The following TRIP12 variants were observed in gnomAD, a reference collection of about 807,000 sequenced individuals.
TRIP12 encodes thyroid hormone receptor interactor 12.
TRIP12 carries 25 observed loss-of-function variants against 244.2 expected under a neutral mutation model. That is an observed-to-expected ratio of 0.10 (90% CI 0.07 to 0.14). TRIP12 has a LOEUF of 0.14. Ranked by LOEUF, TRIP12 falls within the 10% of genes least tolerant of loss-of-function variation. The pLI, the probability that TRIP12 is intolerant of heterozygous loss-of-function variation, is 1.00. For synonymous variants in TRIP12, 905 were observed against 873.1 expected (o/e 1.04, Z -0.64); for missense variants, 1,677 against 2,486.4 (o/e 0.67, Z 6.92).
intron 2 of TRIP12, among the ~76,000 whole-genome samples, chr2:229,867,605 A>G (rs978024399): frequency 6.6e-6 from 1 of 152,218 alleles, no homozygotes; most frequent in Admixed American, 6.5e-5. Flanking sequence ...GTGATAAAAA[A>G]GCTTGCAGTT....
intron 2 of TRIP12, among the ~76,000 whole-genome samples, chr2:229,876,991 C>T (rs112381330): frequency 2.0e-5 from 3 of 151,982 alleles, no homozygotes; most frequent in Non-Finnish European, 2.9e-5. Context: ...CCACCATGCT[C>T]GGCCTTACTC....
At chr2:229,826,113 T>C (rs1299335494) in intron 8 of TRIP12, among the ~76,000 whole-genome samples, 3 of 152,036 alleles carry the variant, frequency 2.0e-5, no homozygotes, top group Admixed American at 6.5e-5. Flanking sequence ...GGCAATCAAA[T>C]AGAAGGTGAG....
upstream of TRIP12, chr2:229,922,462 A>G (rs1014139848): frequency 6.3e-7 from 1 of 1,596,532 alleles, no homozygotes; most frequent in Non-Finnish European, 8.6e-7. Flanking sequence ...CTTGACCCCA[A>G]CCAAGCCCCG....
In TRIP12 at chr2:229,766,513, G is replaced by C. The variant is rs1338182481; in HGVS notation, c.*1041C>G. On this transcript the variant is annotated 3_prime_UTR_variant, in exon 42 of 42. Coordinates refer to ENST00000675903, the MANE Select transcript of TRIP12 (RefSeq NM_001348323.3). ...TTTTATCTGCGTCGAGACAAAGGCT[G>C]AACTGTTTTGTCCCAAGTCAGCACT... 1.3e-5 allele frequency: 2 copies of C among 152,152 alleles called. No individual in the cohort carries two copies. Among genetic ancestry groups the C allele is most frequent in the East Asian group, 3.8e-4 (2 of 5,200 alleles). 9.4% of individuals were successfully genotyped at this position (152,152 alleles called of 1,614,324 possible). A position where few individuals can be genotyped will look rare whatever the true frequency, so the allele number is the denominator to read the frequency against.
chr2:229,775,431 C>A (rs547902821), intron 37 of TRIP12, among the ~76,000 whole-genome samples: 1 of 151,116 alleles, frequency 6.6e-6, no homozygotes, highest in Admixed American at 6.6e-5. Flanking sequence ...ATGTTCCCCC[C>A]ACTGGTAAGC....
intron 1 of TRIP12, among the ~76,000 whole-genome samples, chr2:229,906,884 T>C (rs1035236467): frequency 6.6e-6 from 1 of 152,156 alleles, no homozygotes; most frequent in Non-Finnish European, 1.5e-5. Flanking sequence ...AAAAAATGTA[T>C]GCCATATCAC....
intron 17 of TRIP12, 91 bp from the exon 18 acceptor site, chr2:229,805,974 A>G: frequency 9.5e-7 from 1 of 1,047,706 alleles, no homozygotes; most frequent in Non-Finnish European, 1.3e-6. Flanking sequence ...ATGCTATCTT[A>G]CATATTTATT....
rs754616839 is a variant in TRIP12 at position 229,807,719 on chromosome 2, G to A, written c.2485C>T (p.Arg829Trp). The change falls in exon 17 of 42, where the codon CGG becomes TGG. Residue 829 changes from arginine (R) to tryptophan (W), a missense_variant. By Grantham distance (101) the Arg-to-Trp change is moderately radical. Transcript: ENST00000675903. Reference sequence around the variant, plus strand: ...GATGAAACTACTACCTCAATGATCCGGCTGTCAATCCTGTTATATGGATGC... The same window carrying A: ...GATGAAACTACTACCTCAATGATCCAGCTGTCAATCCTGTTATATGGATGC... The part of the protein sequence containing the change: ...LWHPYNRIDS[R>W]IIEAAHQVGE... The A allele has an allele frequency of 6.2e-7, 1 of 1,613,926 alleles. No individual in the cohort carries two copies. The highest frequency in any genetic ancestry group is 1.3e-5 in the African/African-American group (1 of 74,852).
chr2:229,830,921 T>C lies in TRIP12; in HGVS notation c.1271-82A>G. 2.4e-6 allele frequency: 3 copies of C among 1,234,206 alleles called. No individual in the cohort carries two copies. The Admixed American group carries it at 5.8e-5, about 24-fold the overall frequency. 76.5% of individuals were successfully genotyped at this position (1,234,206 alleles called of 1,614,324 possible). On this transcript the variant is annotated intron_variant, in intron 6 of 41. Coordinates refer to ENST00000675903, the MANE Select transcript of TRIP12 (RefSeq NM_001348323.3). The stretch of plus-strand genomic sequence containing the variant: ...GGCTTACCTTAGAAAAACCAAAGTT[T>C]TGCGGACTACAATTGAATAAAGGCA...
At chr2:229,916,512 G>A (rs567397577) in intron 1 of TRIP12, among the ~76,000 whole-genome samples, 11 of 144,588 alleles carry the variant, frequency 7.6e-5, no homozygotes, top group Admixed American at 3.5e-4. Context: ...CCGAGATCGC[G>A]CCACTGCACT....
intron 39 of TRIP12, 65 bp downstream of exon 39, chr2:229,771,454 G>C: frequency 7.3e-7 from 1 of 1,375,732 alleles, no homozygotes; most frequent in Admixed American, 1.8e-5. Flanking sequence ...CTTTGACTAG[G>C]CAGCACAGAA....
At chr2:229,916,510 G>A (rs993164835) in intron 1 of TRIP12, among the ~76,000 whole-genome samples, 63 of 147,030 alleles carry the variant, frequency 4.3e-4, no homozygotes, top group African/African-American at 1.6e-3. Flanking sequence ...AGCCGAGATC[G>A]CGCCACTGCA....
intron 8 of TRIP12, among the ~76,000 whole-genome samples, chr2:229,819,040 C>CCACACACACACACA (rs370625320): frequency 2.4e-4 from 32 of 134,048 alleles, no homozygotes; most frequent in African/African-American, 8.1e-4. Flanking sequence ...AAAATAAAAA[C>CCACACACACACACA]CACACACACA....
chr2:229,907,690 GCTACT>G (rs879598840), intron 1 of TRIP12, among the ~76,000 whole-genome samples: 1 of 152,086 alleles, frequency 6.6e-6, no homozygotes, highest in African/African-American at 2.4e-5. Flanking sequence ...TGCAGTCTTA[GCTACT>G]CCACAGCTAA....
rs146070117 is a variant in TRIP12, at chr2:229,774,288, G to C, written c.5530-27C>G. ...TAAAAAACACAAATGGGGGAGAAATGGTGTCAAGCAAAATTAACTTACGGT... is the reference window on the plus strand; with the variant it reads ...TAAAAAACACAAATGGGGGAGAAATCGTGTCAAGCAAAATTAACTTACGGT... On this transcript the variant is annotated intron_variant, in intron 37 of 41. Coordinates refer to ENST00000675903, the MANE Select transcript of TRIP12 (RefSeq NM_001348323.3). 919 of 1,578,190 alleles carry C rather than the reference G, an allele frequency of 5.8e-4. 10 individuals are homozygous for C. In the African/African-American group the frequency reaches 0.011, roughly 19 times the overall value.
intron 1 of TRIP12, among the ~76,000 whole-genome samples, chr2:229,895,816 G>C (rs1051859610): frequency 6.6e-6 from 1 of 151,882 alleles, no homozygotes; most frequent in Non-Finnish European, 1.5e-5. Flanking sequence ...AGCTCAAACA[G>C]GATAAATAAA....
chr2:229,840,401 T>A (rs1016121420), intron 5 of TRIP12, among the ~76,000 whole-genome samples: 4 of 152,140 alleles, frequency 2.6e-5, no homozygotes, highest in African/African-American at 9.7e-5. Context: ...AAAAAAAATT[T>A]AAATAATTTT....
intron 8 of TRIP12, 23 bp from the exon 9 acceptor site, chr2:229,818,535 T>C: frequency 1.2e-6 from 2 of 1,602,862 alleles, no homozygotes; most frequent in Non-Finnish European, 1.7e-6. Context: ...AAATAATTAT[T>C]ATCTTTAAAC....
chr2:229,799,903 T>C (rs1433490795), intron 21 of TRIP12, among the ~76,000 whole-genome samples: 1 of 152,204 alleles, frequency 6.6e-6, no homozygotes, highest in African/African-American at 2.4e-5. Context: ...AACTAGCTGT[T>C]TAACTATACT....
Sources: allele counts gnomAD v4.1 joint callset (sites outside exome capture counted in the v4.1 genomes callset), GRCh38; gene constraint gnomAD v4.1.1; transcripts MANE v1.5; gene names NCBI Gene and HGNC (gene_info 2026-07-23, HGNC 2026-07-21).